The following CALCRL variants were observed in gnomAD, a reference collection of about 807,000 sequenced individuals.
The protein encoded by CALCRL is calcitonin receptor like receptor, also known as calcitonin gene-related peptide type 1 receptor.
In CALCRL, 27 loss-of-function variants were observed where a neutral mutation model predicts 60.4. That is an observed-to-expected ratio of 0.45 (90% CI 0.33 to 0.62). CALCRL has a LOEUF of 0.62. Ranked by LOEUF, CALCRL falls within the 20% of genes least tolerant of loss-of-function variation. The pLI, the probability that CALCRL is intolerant of heterozygous loss-of-function variation, is 0.03. For missense variants in CALCRL, 424 were observed against 540.7 expected (o/e 0.78, Z 2.14); for synonymous variants, 190 against 182.6 (o/e 1.04, Z -0.33).
Position 187,379,000 on chromosome 2 carries a change from A to G in CALCRL, c.440T>C (p.Ile147Thr). Reference protein sequence around the residue: ...TALNLFYLTIIGHGLSIASLL... With the variant: ...TALNLFYLTITGHGLSIASLL... ...TGATGCAATAGACAATCCGTGTCCA[A>G]TTATGGTCAGGTAAAACAAATTTAG... The change falls in exon 8 of 15, where the codon ATT becomes ACT. Residue 147 changes from isoleucine to threonine, a missense_variant. Transcript: ENST00000392370. 6 of 1,608,170 alleles carry G rather than the reference A, an allele frequency of 3.7e-6. No homozygotes were observed. Among genetic ancestry groups the G allele is most frequent in the Non-Finnish European group, 5.1e-6 (6 of 1,176,230 alleles).
intron 1 of CALCRL, among the ~76,000 whole-genome samples, chr2:187,420,185 CA>C (rs1471722185): frequency 1.3e-5 from 2 of 152,158 alleles, no homozygotes; most frequent in African/African-American, 2.4e-5. Flanking sequence ...TAAGCGATCA[CA>C]GCTTTCCCAG....
intron 1 of CALCRL, among the ~76,000 whole-genome samples, chr2:187,419,854 G>A (rs2105870101): frequency 6.6e-6 from 1 of 152,234 alleles, no homozygotes; most frequent in South Asian, 2.1e-4. Context: ...ATAGCAAAAT[G>A]AATATAAATA....
chr2:187,360,722 A>G lies in CALCRL; in HGVS notation c.657T>C (p.His219=). 1 of 1,612,134 alleles carries G rather than the reference A, an allele frequency of 6.2e-7. No homozygotes were observed. Among genetic ancestry groups the G allele is most frequent in the Non-Finnish European group, 8.5e-7 (1 of 1,178,950 alleles). The change falls in exon 10 of 15, where the codon CAT becomes CAC. Residue 219 remains histidine (H), a synonymous_variant. Transcript: ENST00000392370. ...PVSCKVSQFI[H]LYLMGCNYFW... ...AGTAATTACAGCCCATCAGGTAAAG[A>G]TGAATGAACTGGGACACTTTGCAAC...
chr2:187,378,138 GAAGAAGA>G (rs1448871084), intron 8 of CALCRL, among the ~76,000 whole-genome samples: 1 of 151,578 alleles, frequency 6.6e-6, no homozygotes, highest in Non-Finnish European at 1.5e-5. Flanking sequence ...AGGAGAAGGA[GAAGAAGA>G]AAGAAGAAAG....
chr2:187,416,975 G>A (rs927395294), intron 1 of CALCRL, among the ~76,000 whole-genome samples: 1 of 152,026 alleles, frequency 6.6e-6, no homozygotes, highest in Non-Finnish European at 1.5e-5. Flanking sequence ...AATATCCTTT[G>A]AGTAACCCTG....
At chr2:187,382,480 A>C (rs556460663) in intron 5 of CALCRL, among the ~76,000 whole-genome samples, 1 of 152,238 alleles carries the variant, frequency 6.6e-6, no homozygotes, top group African/African-American at 2.4e-5. Flanking sequence ...AGTTAAAAAT[A>C]TCTAAAGAGT....
At chr2:187,364,470 G>GT (rs893313721) in intron 8 of CALCRL, among the ~76,000 whole-genome samples, 100 of 148,234 alleles carry the variant, frequency 6.7e-4, no homozygotes, top group South Asian at 1.3e-3. Flanking sequence ...GTGTGTGTGT[G>GT]TTTTTTTTTT....
At chr2:187,380,654 T>G (rs771371034) in intron 6 of CALCRL, 23 bp downstream of exon 6, 2 of 1,591,440 alleles carry the variant, frequency 1.3e-6, no homozygotes, top group Non-Finnish European at 1.7e-6. Context: ...CAAGGAGATA[T>G]GTAGATACAT....
At chr2:187,404,857 A>C (rs1325742339) in intron 1 of CALCRL, among the ~76,000 whole-genome samples, 2 of 151,900 alleles carry the variant, frequency 1.3e-5, no homozygotes, top group African/African-American at 4.8e-5. Flanking sequence ...AGCAGATAAC[A>C]ACAATGAAAA....
At chr2:187,418,859 C>CA (rs1405703186) in intron 1 of CALCRL, among the ~76,000 whole-genome samples, 92 of 120,018 alleles carry the variant, frequency 7.7e-4, no homozygotes, top group Non-Finnish European at 1.2e-3. Flanking sequence ...TTCTTTTTTT[C>CA]TTTTTTTTTT....
chr2:187,423,410 A>C (rs1689974344), intron 1 of CALCRL, among the ~76,000 whole-genome samples: 1 of 151,782 alleles, frequency 6.6e-6, no homozygotes, highest in Admixed American at 6.6e-5. Context: ...TTCCCACCAA[A>C]TATGGTATCA....
At chr2:187,413,369 G>T (rs1282127382) in intron 1 of CALCRL, among the ~76,000 whole-genome samples, 1 of 152,080 alleles carries the variant, frequency 6.6e-6, no homozygotes, top group Non-Finnish European at 1.5e-5. Flanking sequence ...ATAATTATCA[G>T]CTGTTATATT....
intron 1 of CALCRL, among the ~76,000 whole-genome samples, chr2:187,409,022 G>A (rs1689249699): frequency 6.6e-6 from 1 of 152,170 alleles, no homozygotes; most frequent in African/African-American, 2.4e-5. Flanking sequence ...CTCTTGGTTA[G>A]AAGTCTGAAG....
intron 1 of CALCRL, among the ~76,000 whole-genome samples, chr2:187,409,529 C>T (rs1349999629): frequency 6.6e-6 from 1 of 152,162 alleles, no homozygotes; most frequent in African/African-American, 2.4e-5. Flanking sequence ...CATGCTGTAC[C>T]TTGGAAAAGT....
At chr2:187,354,516 T>C (rs1198295652) in intron 12 of CALCRL, among the ~76,000 whole-genome samples, 5 of 152,054 alleles carry the variant, frequency 3.3e-5, no homozygotes, top group East Asian at 1.9e-4. Flanking sequence ...ATCTTATTTA[T>C]AAAAATTGTG....
At chr2:187,380,137 T>G (rs529596020) in intron 7 of CALCRL, among the ~76,000 whole-genome samples, 1 of 152,250 alleles carries the variant, frequency 6.6e-6, no homozygotes, top group African/African-American at 2.4e-5. Flanking sequence ...GTTTCAGAGG[T>G]CATTCTAGAA....
intron 1 of CALCRL, among the ~76,000 whole-genome samples, chr2:187,426,165 A>C (rs1297411459): frequency 6.6e-6 from 1 of 151,976 alleles, no homozygotes; most frequent in Non-Finnish European, 1.5e-5. Context: ...AAAGAAGATA[A>C]AGTGACAGGG....
chr2:187,370,648 T>C, intron 8 of CALCRL, among the ~76,000 whole-genome samples: 1 of 152,218 alleles, frequency 6.6e-6, no homozygotes. Context: ...ACTGTATTTA[T>C]ATTTCCATAC....
At chr2:187,365,909 G>T (rs143908316) in intron 8 of CALCRL, among the ~76,000 whole-genome samples, 335 of 152,268 alleles carry the variant, frequency 2.2e-3, no homozygotes, top group African/African-American at 7.7e-3. Flanking sequence ...GGAGAGTGGA[G>T]ATGGGGAGAG....
Sources: allele counts gnomAD v4.1 joint callset (sites outside exome capture counted in the v4.1 genomes callset), GRCh38; gene constraint gnomAD v4.1.1; transcripts MANE v1.5; gene names NCBI Gene and HGNC (gene_info 2026-07-23, HGNC 2026-07-21).